The following USH2A variants were observed in gnomAD, a reference collection of about 807,000 sequenced individuals.
The protein encoded by USH2A is usherin, also known as Usher syndrome 2A (autosomal recessive, mild).
A neutral mutation model predicts 538.9 loss-of-function variants in USH2A; 443 were observed. That is an observed-to-expected ratio of 0.82 (90% CI 0.76 to 0.89). USH2A has a LOEUF of 0.89. Ranked by LOEUF, USH2A falls within the 40% of genes least tolerant of loss-of-function variation. USH2A has a pLI of 0.00. For missense variants in USH2A, 6,633 were observed against 6,324.8 expected (o/e 1.05, Z -1.65); for synonymous variants, 2,413 against 2,273.5 (o/e 1.06, Z -1.75).
chr1:216,182,243 G>GT (rs1281360875), intron 20 of USH2A, among the ~76,000 whole-genome samples: 4 of 151,978 alleles, frequency 2.6e-5, no homozygotes, highest in East Asian at 1.9e-4. Context: ...TTTCCTTGCA[G>GT]TTTTTTAGGG....
At chr1:216,411,697 A>G (rs1447107611) in intron 3 of USH2A, among the ~76,000 whole-genome samples, 1 of 152,086 alleles carries the variant, frequency 6.6e-6, no homozygotes, top group East Asian at 1.9e-4. Context: ...GAGGTAGCAC[A>G]ATCACATACT....
At position 216,228,935 on chromosome 1, in the gene USH2A, AG is replaced by A. The variant is rs201640626; in HGVS notation, c.2993+3017del. The stretch of plus-strand genomic sequence containing the variant: ...AAGCCTGTAATCCCAGCACTTTGGG[AG>A]GCCGAGGTGGGCGGATCACGAGTTC... On this transcript the variant is annotated intron_variant, in intron 14 of 71. Transcript: ENST00000307340. Among the ~76,000 whole-genome samples, 1,308 of 152,260 alleles carry A rather than the reference AG, an allele frequency of 8.6e-3. 25 individuals carry two copies. Among genetic ancestry groups the A allele is most frequent in the African/African-American group, 0.031 (1,270 of 41,548 alleles).
At chr1:215,992,894 A>C in intron 35 of USH2A, 126 bp downstream of exon 35, 2 of 1,461,202 alleles carry the variant, frequency 1.4e-6, no homozygotes, top group East Asian at 4.5e-5. Context: ...CAATGATACT[A>C]TCTTAGGTAT....
rs1018844851 is a variant in USH2A at position 215,703,382 on chromosome 1, G to A, written c.12067-23006C>T. On this transcript the variant is annotated intron_variant, in intron 61 of 71. Coordinates refer to ENST00000307340, the MANE Select transcript of USH2A (RefSeq NM_206933.4). Reference sequence around the variant, plus strand: ...TGCTCTCTTCAGAGCCAGCAGGCAGGAACGTTTAAGTCTGCTGAAGTTGCA... The same window carrying A: ...TGCTCTCTTCAGAGCCAGCAGGCAGAAACGTTTAAGTCTGCTGAAGTTGCA... Among the ~76,000 whole-genome samples the A allele has an allele frequency of 3.9e-5, 6 of 152,308 alleles. No homozygotes were observed. The South Asian group carries it at 1.2e-3, about 32-fold the overall frequency.
intron 11 of USH2A, among the ~76,000 whole-genome samples, chr1:216,253,850 A>T (rs696725): frequency 0.061 from 9,347 of 152,270 alleles, 769 homozygotes; most frequent in African/African-American, 0.19. Context: ...GTTTCCCTAT[A>T]GCTAGAGATT....
intron 37 of USH2A, among the ~76,000 whole-genome samples, chr1:215,953,700 A>G (rs894375640): frequency 9.9e-5 from 15 of 152,140 alleles, no homozygotes; most frequent in African/African-American, 3.6e-4. Flanking sequence ...AACAAAAGCC[A>G]TAATTGACAA....
intron 44 of USH2A, among the ~76,000 whole-genome samples, chr1:215,858,005 T>C (rs113557204): frequency 0.019 from 2,945 of 152,246 alleles, 100 homozygotes; most frequent in African/African-American, 0.068. Context: ...AGGATTTTGT[T>C]ATCTTTCAAG....
At chr1:216,394,821 C>T (rs1296600454) in intron 3 of USH2A, among the ~76,000 whole-genome samples, 1 of 151,084 alleles carries the variant, frequency 6.6e-6, no homozygotes. Flanking sequence ...CGGGTTCACG[C>T]CATTCTCCTG....
chr1:216,032,445 C>T (rs560972156), intron 32 of USH2A, among the ~76,000 whole-genome samples: 1 of 152,236 alleles, frequency 6.6e-6, no homozygotes, highest in South Asian at 2.1e-4. Flanking sequence ...AAGAACCATG[C>T]TTGAGTGATT....
At chr1:216,110,670 A>G (rs2032845771) in intron 21 of USH2A, among the ~76,000 whole-genome samples, 1 of 152,252 alleles carries the variant, frequency 6.6e-6, no homozygotes, top group Non-Finnish European at 1.5e-5. Context: ...TATGTAATCT[A>G]CAGCTATAAA....
chr1:216,142,426 T>C lies in USH2A; in HGVS notation c.4627+32826A>G, dbSNP rs1458566986. On this transcript the variant is annotated intron_variant, in intron 21 of 71. Transcript: ENST00000307340. Reference sequence around the variant, plus strand: ...CTATGTAAACAATATTTCTCCACAATAGAAATCATATTACAAATGAAAAGA... The same window carrying C: ...CTATGTAAACAATATTTCTCCACAACAGAAATCATATTACAAATGAAAAGA... Among the ~76,000 whole-genome samples the C allele has an allele frequency of 2.0e-5, 3 of 152,170 alleles. No homozygotes were observed. The East Asian group carries it at 5.8e-4, about 29-fold the overall frequency.
In USH2A at chr1:215,996,583, T is replaced by G. The variant is rs1033431908; in HGVS notation, c.6657+2304A>C. Among the ~76,000 whole-genome samples the G allele has an allele frequency of 6.3e-3, 777 of 123,862 alleles. 1 individual carries two copies. The highest frequency in any genetic ancestry group is 9.6e-3 in the Non-Finnish European group (536 of 55,868). The allele number at this position is 123,862 out of a possible 152,430, so 81.3% of individuals were successfully genotyped here. On this transcript the variant is annotated intron_variant, in intron 34 of 71. Coordinates refer to ENST00000307340, the MANE Select transcript of USH2A (RefSeq NM_206933.4). ...ATGTTTTTTTTTTTTTTTTTTTTTT[T>G]TTTTTTTTTTTTGCAGTGGAAAGAG...
At chr1:216,212,772 T>A (rs1199747147) in intron 15 of USH2A, among the ~76,000 whole-genome samples, 1 of 151,938 alleles carries the variant, frequency 6.6e-6, no homozygotes, top group Non-Finnish European at 1.5e-5. Context: ...TCAATAAATA[T>A]CACCTTTATT....
chr1:215,631,700 C>A (rs1656289488), intron 70 of USH2A, among the ~76,000 whole-genome samples: 1 of 152,220 alleles, frequency 6.6e-6, no homozygotes, highest in African/African-American at 2.4e-5. Flanking sequence ...TCCCTGGGCC[C>A]AGAGCCCCTG....
intron 41 of USH2A, among the ~76,000 whole-genome samples, chr1:215,888,205 T>C (rs1409421620): frequency 2.0e-5 from 3 of 152,144 alleles, no homozygotes; most frequent in Non-Finnish European, 4.4e-5. Context: ...GCGAGGCAAA[T>C]GGAAGCATCT....
rs2102640954 is a variant in USH2A, at chr1:216,175,299, T to C, written c.4580A>G (p.Tyr1527Cys). 6.2e-7 allele frequency: 1 copy of C among 1,613,776 alleles called. No homozygotes were observed. Among genetic ancestry groups the C allele is most frequent in the Non-Finnish European group, 8.5e-7 (1 of 1,179,848 alleles). The change falls in exon 21 of 72, where the codon TAT becomes TGT. Residue 1527 changes from tyrosine to cysteine, a missense_variant. Physicochemically the swap from Tyr to Cys is radical, Grantham distance 194 (BLOSUM62 -2). Coordinates refer to ENST00000307340, the MANE Select transcript of USH2A (RefSeq NM_206933.4). ...GTGAGTGGAGCTGGGAAATTTACAA[T>C]ACCCATTTCCTATGAAACGGATTCC... is the stretch of plus-strand genomic sequence containing the variant. The part of the protein sequence containing the change: ...MKGIRFIGNG[Y>C]CKFPSSTHPV...
In USH2A at chr1:215,696,406, G is replaced by A. The variant is rs542159775; in HGVS notation, c.12067-16030C>T. 5.3e-5 allele frequency among the ~76,000 whole-genome samples: 8 copies of A among 152,268 alleles called. No individual in the cohort carries two copies. The South Asian group carries it at 1.5e-3, about 28-fold the overall frequency. ...GGTCAACTTTACAGGTTTGGGTTTT[G>A]AAACTGGAAAACTGTCAGAACTGAG... On this transcript the variant is annotated intron_variant, in intron 61 of 71. Transcript: ENST00000307340.
At chr1:216,336,947 G>C (rs1436410628) in intron 4 of USH2A, among the ~76,000 whole-genome samples, 1 of 151,388 alleles carries the variant, frequency 6.6e-6, no homozygotes, top group East Asian at 1.9e-4. Context: ...CTTTAGGAAA[G>C]ACCCTGATGA....
chr1:216,034,752 G>A (rs12117271), intron 32 of USH2A, among the ~76,000 whole-genome samples: 22,154 of 152,050 alleles, frequency 0.15, 1,708 homozygotes, highest in Middle Eastern at 0.21. Context: ...ACTGGAGGGC[G>A]GGATAGGCAA....
Sources: allele counts gnomAD v4.1 joint callset (sites outside exome capture counted in the v4.1 genomes callset), GRCh38; gene constraint gnomAD v4.1.1; transcripts MANE v1.5; gene names NCBI Gene and HGNC (gene_info 2026-07-23, HGNC 2026-07-21).